UST: variants seen among roughly 807,000 people sequenced by gnomAD.
The protein encoded by UST is chondroitin sulfate 2-O-sulfotransferase.
A neutral mutation model predicts 45.6 loss-of-function variants in UST; 21 were observed. The observed-to-expected ratio is 0.46, with a 90% confidence interval of 0.33 to 0.66. UST has a LOEUF of 0.66. Ranked by LOEUF, UST falls within the 30% of genes least tolerant of loss-of-function variation. The pLI is 0.02. For missense variants in UST, 463 were observed against 512.4 expected (o/e 0.90, Z 0.93); for synonymous variants, 215 against 200.6 (o/e 1.07, Z -0.61).
rs1014758584 is a variant in UST, at chr6:149,019,217, G to A, written c.760G>A (p.Gly254Arg). ...ATTTTACATCATTCCGTACTTTTGT[G>A]GACAGCATCCCAGATGCAGGTAAGG... is the stretch of plus-strand genomic sequence containing the variant. Reference protein sequence around the residue: ...RLFYIIPYFCGQHPRCREPGE... With the variant: ...RLFYIIPYFCRQHPRCREPGE... The change falls in exon 6 of 8, where the codon GGA (glycine) becomes AGA (arginine). Residue 254 changes from glycine (G) to arginine (R), a missense_variant. Gly to Arg is a moderately radical substitution (Grantham distance 125, BLOSUM62 -2). This residue lies in a region of UST where 287 missense variants were observed against 374.2 expected (regional missense o/e 0.77). Transcript: ENST00000367463. 7.4e-6 allele frequency: 12 copies of A among 1,613,912 alleles called. No homozygotes were observed. Among genetic ancestry groups the A allele is most frequent in the Non-Finnish European group, 9.3e-6 (11 of 1,179,946 alleles).
At chr6:148,883,030 C>A (rs942632389) in intron 1 of UST, among the ~76,000 whole-genome samples, 2 of 152,212 alleles carry the variant, frequency 1.3e-5, no homozygotes, top group African/African-American at 4.8e-5. Context: ...TTTTGTCATG[C>A]GTATCCGCGC....
intron 2 of UST, among the ~76,000 whole-genome samples, chr6:148,910,775 A>G (rs911499822): frequency 2.6e-5 from 4 of 152,234 alleles, no homozygotes; most frequent in African/African-American, 9.6e-5. Flanking sequence ...GATTTAAGGT[A>G]TTACTAAACA....
At chr6:148,842,694 A>G (rs1166216413) in intron 1 of UST, among the ~76,000 whole-genome samples, 3 of 152,184 alleles carry the variant, frequency 2.0e-5, no homozygotes, top group Admixed American at 6.5e-5. Flanking sequence ...AGCATTTGAT[A>G]TGTTTAAAAA....
chr6:148,975,082 T>A (rs531806042), intron 5 of UST, among the ~76,000 whole-genome samples: 5 of 152,346 alleles, frequency 3.3e-5, no homozygotes, highest in African/African-American at 1.2e-4. Flanking sequence ...ATTCTATGTC[T>A]TATCACTATT....
intron 7 of UST, among the ~76,000 whole-genome samples, chr6:149,043,106 ATTCT>A (rs1252953189): frequency 7.7e-4 from 51 of 66,198 alleles, no homozygotes; most frequent in African/African-American, 2.6e-3. Context: ...GTTTCTTTTC[ATTCT>A]TTCTTTCTTT....
chr6:148,930,525 A>G (rs1488017428), intron 2 of UST, among the ~76,000 whole-genome samples: 1 of 152,206 alleles, frequency 6.6e-6, no homozygotes, highest in African/African-American at 2.4e-5. Flanking sequence ...AGAATTTTCA[A>G]TATTCTGTGC....
chr6:148,754,117 C>T (rs1413111784), intron 1 of UST, among the ~76,000 whole-genome samples: 1 of 151,824 alleles, frequency 6.6e-6, no homozygotes, highest in Admixed American at 6.6e-5. Flanking sequence ...GCCTCAGCCT[C>T]CCAAGTAGCT....
At chr6:148,788,159 A>T (rs1224591463) in intron 1 of UST, among the ~76,000 whole-genome samples, 1 of 152,154 alleles carries the variant, frequency 6.6e-6, no homozygotes, top group Non-Finnish European at 1.5e-5. Context: ...GTTTCTTCTT[A>T]TCAAACCATC....
chr6:148,804,481 G>C (rs939329948), intron 1 of UST, among the ~76,000 whole-genome samples: 1 of 152,160 alleles, frequency 6.6e-6, no homozygotes, highest in Non-Finnish European at 1.5e-5. Context: ...GTGGTCTGGT[G>C]CTCCTCTGCG....
At chr6:148,826,591 A>G (rs537441212) in intron 1 of UST, among the ~76,000 whole-genome samples, 3 of 152,208 alleles carry the variant, frequency 2.0e-5, no homozygotes, top group Admixed American at 6.5e-5. Flanking sequence ...AGCCATTTCA[A>G]TTTTCTGGGC....
At chr6:148,797,868 G>A (rs1050297484) in intron 1 of UST, among the ~76,000 whole-genome samples, 1 of 152,178 alleles carries the variant, frequency 6.6e-6, no homozygotes, top group African/African-American at 2.4e-5. Flanking sequence ...TGGGTGCTAG[G>A]AGGGTAGGAG....
chr6:148,924,144 C>T (rs1779768898), intron 2 of UST, among the ~76,000 whole-genome samples: 2 of 152,166 alleles, frequency 1.3e-5, no homozygotes, highest in African/African-American at 4.8e-5. Flanking sequence ...AACTATGACC[C>T]ATAGGCCACA....
At chr6:148,886,543 G>C (rs1230766869) in intron 1 of UST, among the ~76,000 whole-genome samples, 2 of 152,202 alleles carry the variant, frequency 1.3e-5, no homozygotes, top group African/African-American at 4.8e-5. Context: ...TGGAGAAAGA[G>C]AGTATGGGGT....
intron 2 of UST, among the ~76,000 whole-genome samples, chr6:148,903,659 T>C (rs1471425025): frequency 2.3e-5 from 2 of 88,026 alleles, no homozygotes; most frequent in Non-Finnish European, 4.4e-5. Context: ...ATTTGATTTG[T>C]TGTAACATTT....
At chr6:148,967,327 G>C (rs541288825) in intron 5 of UST, among the ~76,000 whole-genome samples, 3 of 151,550 alleles carry the variant, frequency 2.0e-5, no homozygotes, top group Admixed American at 1.3e-4. Flanking sequence ...AACTCGGGGG[G>C]GCTCAGATTC....
intron 1 of UST, among the ~76,000 whole-genome samples, chr6:148,835,057 A>G (rs1173738532): frequency 1.3e-5 from 2 of 152,214 alleles, no homozygotes. Context: ...ATCCCTATGC[A>G]ATATACTAAG....
At chr6:148,797,637 T>A (rs1198681668) in intron 1 of UST, among the ~76,000 whole-genome samples, 1 of 152,150 alleles carries the variant, frequency 6.6e-6, no homozygotes, top group African/African-American at 2.4e-5. Context: ...AAATGTATCC[T>A]TCGAATGTTG....
chr6:148,960,678 T>C (rs1447581974), intron 4 of UST, among the ~76,000 whole-genome samples: 1 of 152,212 alleles, frequency 6.6e-6, no homozygotes, highest in African/African-American at 2.4e-5. Context: ...TACCACTGAA[T>C]TGTACACTTG....
intron 5 of UST, among the ~76,000 whole-genome samples, chr6:148,967,178 C>T (rs536181641): frequency 1.9e-4 from 29 of 152,222 alleles, no homozygotes; most frequent in African/African-American, 7.0e-4. Flanking sequence ...TGGAATTCTG[C>T]CCTTAGAAAT....
Sources: allele counts gnomAD v4.1 joint callset (sites outside exome capture counted in the v4.1 genomes callset), GRCh38; gene constraint gnomAD v4.1.1; regional missense constraint gnomAD v4.1.1; transcripts MANE v1.5; gene names NCBI Gene and HGNC (gene_info 2026-07-23, HGNC 2026-07-21).